The following MAGI2 variants were observed in gnomAD, a reference collection of about 807,000 sequenced individuals.
The protein encoded by MAGI2 is membrane associated guanylate kinase, WW and PDZ domain containing 2.
Under a neutral mutation model 133.3 loss-of-function variants are expected in MAGI2, and 35 were observed. That is an observed-to-expected ratio of 0.26 (90% CI 0.20 to 0.35). MAGI2 has a LOEUF of 0.35. Ranked by LOEUF, MAGI2 falls within the 10% of genes least tolerant of loss-of-function variation. The probability of loss-of-function intolerance (pLI) is 1.00; values close to 1 mark genes in which losing one functional copy is unlikely to be tolerated. For synonymous variants in MAGI2, 729 were observed against 710.6 expected (o/e 1.03, Z -0.41); for missense variants, 1,636 against 1,863.4 (o/e 0.88, Z 2.25).
At chr7:79,330,360 A>AT (rs567201256) in intron 1 of MAGI2, among the ~76,000 whole-genome samples, 34 of 150,848 alleles carry the variant, frequency 2.3e-4, no homozygotes, top group East Asian at 2.0e-3. Flanking sequence ...CGCCCGGCTA[A>AT]TTTTTTTTGT....
intron 21 of MAGI2, among the ~76,000 whole-genome samples, chr7:78,060,634 G>C (rs1438041194): frequency 6.6e-6 from 1 of 152,226 alleles, no homozygotes; most frequent in Non-Finnish European, 1.5e-5. Flanking sequence ...CCGGACTTGG[G>C]AAAGGATTCA....
chr7:78,308,334 A>G (rs1798409998), intron 9 of MAGI2, among the ~76,000 whole-genome samples: 1 of 152,194 alleles, frequency 6.6e-6, no homozygotes, highest in Admixed American at 6.5e-5. Flanking sequence ...CACTAGGAAG[A>G]GAGACCAATG....
intron 6 of MAGI2, among the ~76,000 whole-genome samples, chr7:78,415,261 A>C (rs377190530): frequency 6.6e-6 from 1 of 152,092 alleles, no homozygotes. Flanking sequence ...ATAAATTCTC[A>C]TTGACCTTAA....
chr7:78,853,837 T>C (rs2151485440), intron 2 of MAGI2, among the ~76,000 whole-genome samples: 1 of 152,178 alleles, frequency 6.6e-6, no homozygotes, highest in East Asian at 1.9e-4. Flanking sequence ...GAAGAGTTAG[T>C]CCTACTTTGA....
At chr7:78,900,054 G>A (rs1001991229) in intron 2 of MAGI2, among the ~76,000 whole-genome samples, 2 of 152,076 alleles carry the variant, frequency 1.3e-5, no homozygotes, top group African/African-American at 2.4e-5. Flanking sequence ...TCCTTTCTAA[G>A]CTTATTTGAA....
chr7:79,131,921 A>G lies in MAGI2; in HGVS notation c.302-124715T>C, dbSNP rs142179874. Among the ~76,000 whole-genome samples the G allele has an allele frequency of 6.3e-3, 961 of 152,244 alleles. 10 individuals carry two copies. Among genetic ancestry groups the G allele is most frequent in the African/African-American group, 0.022 (896 of 41,562 alleles). On this transcript the variant is annotated intron_variant, in intron 1 of 21. Transcript: ENST00000354212. Reference sequence around the variant, plus strand: ...CAGGTCTCTAGTGCTCTCTTAAATTATATTTAGTATAATATTACTTAAATA... The same window carrying G: ...CAGGTCTCTAGTGCTCTCTTAAATTGTATTTAGTATAATATTACTTAAATA...
chr7:79,335,545 G>T (rs1215645511), intron 1 of MAGI2, among the ~76,000 whole-genome samples: 1 of 151,892 alleles, frequency 6.6e-6, no homozygotes, highest in East Asian at 1.9e-4. Context: ...CTTAATATCA[G>T]AAAAATGGTA....
chr7:78,404,818 T>C (rs1274510179), intron 6 of MAGI2, among the ~76,000 whole-genome samples: 1 of 151,990 alleles, frequency 6.6e-6, no homozygotes, highest in Non-Finnish European at 1.5e-5. Flanking sequence ...AATTGACAAA[T>C]GGGATCTAAT....
chr7:78,094,954 T>C (rs770595378), intron 20 of MAGI2, among the ~76,000 whole-genome samples: 1 of 152,182 alleles, frequency 6.6e-6, no homozygotes, highest in Non-Finnish European at 1.5e-5. Context: ...CCCTCTCTCT[T>C]TCTTTATCCC....
rs763177894 is a variant in MAGI2 at position 78,132,970 on chromosome 7, T to G, written c.3122A>C (p.Gln1041Pro). Residue 1041 changes from glutamine to proline, a missense_variant, in exon 18 of 22, where the codon CAG (glutamine) becomes CCG (proline). Transcript: ENST00000354212. The part of the protein sequence containing the change: ...SPLAQQSPLA[Q>P]PSPATPNSPI... ...GCTGTTGGGGGTGGCTGGGCTTGGCTGGGCCAGGGGACTCTGCTGTGCCAG... is the reference window on the plus strand; with the variant it reads ...GCTGTTGGGGGTGGCTGGGCTTGGCGGGGCCAGGGGACTCTGCTGTGCCAG... The G allele has an allele frequency of 3.7e-6, 6 of 1,613,488 alleles. No individual in the cohort carries two copies. The Admixed American group carries it at 1.0e-4, about 27-fold the overall frequency.
intron 1 of MAGI2, among the ~76,000 whole-genome samples, chr7:79,098,432 C>T (rs1305995440): frequency 6.6e-6 from 1 of 152,176 alleles, no homozygotes; most frequent in Non-Finnish European, 1.5e-5. Context: ...ATTGACACTA[C>T]CCATAGTATG....
At chr7:78,068,419 T>A (rs1160498896) in intron 21 of MAGI2, among the ~76,000 whole-genome samples, 1 of 152,096 alleles carries the variant, frequency 6.6e-6, no homozygotes, top group Non-Finnish European at 1.5e-5. Flanking sequence ...TGAACCCTAG[T>A]GTCAACTGTG....
chr7:78,779,687 G>C (rs1386846672), intron 2 of MAGI2, among the ~76,000 whole-genome samples: 5 of 152,140 alleles, frequency 3.3e-5, no homozygotes, highest in Non-Finnish European at 7.4e-5. Flanking sequence ...CATAGATTTT[G>C]GTTGTAGGAG....
At chr7:78,721,362 A>G (rs964206251) in intron 2 of MAGI2, among the ~76,000 whole-genome samples, 4 of 152,090 alleles carry the variant, frequency 2.6e-5, no homozygotes, top group Non-Finnish European at 5.9e-5. Flanking sequence ...CTAAGGTAGC[A>G]TAAGAATTAA....
chr7:78,525,614 A>G (rs1468776), intron 3 of MAGI2, among the ~76,000 whole-genome samples: 1 of 151,982 alleles, frequency 6.6e-6, no homozygotes, highest in Non-Finnish European at 1.5e-5. Context: ...AACAGACGAA[A>G]AAACAAAACC....
intron 2 of MAGI2, among the ~76,000 whole-genome samples, chr7:78,648,913 C>T (rs1811197102): frequency 6.6e-6 from 1 of 152,034 alleles, no homozygotes; most frequent in Non-Finnish European, 1.5e-5. Flanking sequence ...GCTATAGAAA[C>T]TTGTTACATT....
intron 2 of MAGI2, among the ~76,000 whole-genome samples, chr7:78,893,371 C>A (rs1796931488): frequency 6.6e-5 from 10 of 152,286 alleles, no homozygotes; most frequent in Middle Eastern, 6.8e-3. Flanking sequence ...CCAGCCATCC[C>A]ATTACTGGGT....
intron 1 of MAGI2, among the ~76,000 whole-genome samples, chr7:79,038,234 G>T (rs1811297899): frequency 1.3e-5 from 2 of 152,130 alleles, no homozygotes; most frequent in Non-Finnish European, 2.9e-5. Flanking sequence ...AAGAAAGTCA[G>T]GTAAAATGTT....
intron 6 of MAGI2, among the ~76,000 whole-genome samples, chr7:78,422,012 G>C (rs1196584590): frequency 1.3e-4 from 20 of 152,156 alleles, no homozygotes; most frequent in African/African-American, 1.7e-4. Flanking sequence ...ATATTTGAAT[G>C]GGAAGAAATA....
Sources: allele counts gnomAD v4.1 joint callset (sites outside exome capture counted in the v4.1 genomes callset), GRCh38; gene constraint gnomAD v4.1.1; transcripts MANE v1.5; gene names NCBI Gene and HGNC (gene_info 2026-07-23, HGNC 2026-07-21).